The following PDE1C variants were observed in gnomAD, a reference collection of about 807,000 sequenced individuals.
PDE1C encodes phosphodiesterase 1C.
In PDE1C, 62 loss-of-function variants were observed where a neutral mutation model predicts 93.1. That is an observed-to-expected ratio of 0.67 (90% confidence interval 0.54 to 0.82). The LOEUF (loss-of-function observed/expected upper bound fraction) is 0.82. Ranked by LOEUF, PDE1C falls within the 40% of genes least tolerant of loss-of-function variation. The pLI is 0.00. For missense variants in PDE1C, 742 were observed against 884.6 expected (o/e 0.84, Z 2.04); for synonymous variants, 325 against 310.1 (o/e 1.05, Z -0.50).
rs1000112373 is a variant in PDE1C at position 32,163,716 on chromosome 7, T to C, written c.308+6069A>G. On this transcript the variant is annotated intron_variant, in intron 3 of 18. Transcript: ENST00000396193. The stretch of plus-strand genomic sequence containing the variant: ...AAAGCAAAGGAACTGAGATGGGCAA[T>C]GCACTGAGTGGCTTCAGAATTTCCA... Among the ~76,000 whole-genome samples the C allele has an allele frequency of 3.3e-5, 5 of 152,158 alleles. No homozygotes were observed. In the East Asian group the frequency reaches 7.7e-4, roughly 23 times the overall value.
At chr7:31,893,187 G>A (rs1178676395) in intron 2 of PDE1C, among the ~76,000 whole-genome samples, 2 of 152,170 alleles carry the variant, frequency 1.3e-5, no homozygotes, top group Non-Finnish European at 2.9e-5. Context: ...CACAGGTCAC[G>A]GAGACGGTGT....
At chr7:32,335,408 G>T (rs926646653) in intron 1 of PDE1C, among the ~76,000 whole-genome samples, 1 of 152,192 alleles carries the variant, frequency 6.6e-6, no homozygotes, top group East Asian at 1.9e-4. Flanking sequence ...CAATAGCTCT[G>T]CATTGGTTTG....
intron 1 of PDE1C, among the ~76,000 whole-genome samples, chr7:32,403,765 T>C (rs1185645962): frequency 6.6e-6 from 1 of 152,218 alleles, no homozygotes; most frequent in Non-Finnish European, 1.5e-5. Flanking sequence ...GAATTGGCTT[T>C]GTTTTATATT....
intron 3 of PDE1C, among the ~76,000 whole-genome samples, chr7:32,078,855 G>C (rs1413902029): frequency 6.6e-6 from 1 of 151,672 alleles, no homozygotes; most frequent in Non-Finnish European, 1.5e-5. Flanking sequence ...TGAGCCCAGG[G>C]GTCAAGGCTG....
intron 2 of PDE1C, among the ~76,000 whole-genome samples, chr7:31,924,799 G>GA (rs1218777369): frequency 6.6e-6 from 1 of 151,730 alleles, no homozygotes; most frequent in Non-Finnish European, 1.5e-5. Context: ...AAAACTGATG[G>GA]AAAAAAAAGA....
downstream of PDE1C, among the ~76,000 whole-genome samples, chr7:31,748,671 C>G (rs1019860240): frequency 1.3e-5 from 2 of 152,160 alleles, no homozygotes; most frequent in Non-Finnish European, 2.9e-5. Flanking sequence ...CTAGCAAAGG[C>G]CTACTGTCAC....
chr7:31,785,993 T>C (rs2128647167), intron 16 of PDE1C: 1 of 152,354 alleles, frequency 6.6e-6, no homozygotes, highest in Admixed American at 6.5e-5. Context: ...ATTATTACTT[T>C]CCATTTGTTC....
chr7:32,357,329 A>G (rs1784050337), intron 1 of PDE1C, among the ~76,000 whole-genome samples: 1 of 144,796 alleles, frequency 6.9e-6, no homozygotes, highest in Admixed American at 6.7e-5. Context: ...GCGAGATTCC[A>G]TCACACACAA....
At chr7:32,073,125 T>G (rs1796159035), upstream of PDE1C, among the ~76,000 whole-genome samples, 2 of 152,226 alleles carry the variant, frequency 1.3e-5, no homozygotes, top group African/African-American at 4.8e-5. Context: ...TTTCCTACTC[T>G]TAGTGGAATT....
At chr7:32,127,587 C>G (rs1487938971) in intron 3 of PDE1C, among the ~76,000 whole-genome samples, 1 of 151,924 alleles carries the variant, frequency 6.6e-6, no homozygotes, top group African/African-American at 2.4e-5. Context: ...AAGAAAGTAA[C>G]AAATTATATT....
chr7:31,722,827 AAAGTTCT>A, the PDE1C span, among the ~76,000 whole-genome samples: 1 of 152,092 alleles, frequency 6.6e-6, no homozygotes, highest in Non-Finnish European at 1.5e-5. Flanking sequence ...TTAAATTAGG[AAAGTTCT>A]CAGTCTTTAC....
At chr7:31,625,138 G>C in the PDE1C span, among the ~76,000 whole-genome samples, 2 of 152,112 alleles carry the variant, frequency 1.3e-5, no homozygotes, top group Non-Finnish European at 2.9e-5. Flanking sequence ...TGCTGGAGAG[G>C]ATGTGGAGAA....
chr7:31,754,054 A>G (rs1794286466), intron 17 of PDE1C, among the ~76,000 whole-genome samples: 1 of 139,630 alleles, frequency 7.2e-6, no homozygotes, highest in African/African-American at 3.4e-5. Context: ...TTAAAGCTCA[A>G]GAAAAAGAAA....
intron 3 of PDE1C, among the ~76,000 whole-genome samples, chr7:32,117,845 G>A (rs1799068958): frequency 6.6e-6 from 1 of 152,206 alleles, no homozygotes. Context: ...TAATTTAAAG[G>A]TTGGGGGAAG....
At chr7:32,258,511 C>G (rs1229952451) in intron 1 of PDE1C, among the ~76,000 whole-genome samples, 1 of 152,178 alleles carries the variant, frequency 6.6e-6, no homozygotes, top group African/African-American at 2.4e-5. Context: ...TGCTGAGGGA[C>G]AAGGGCAAGG....
At chr7:31,998,422 A>T (rs1018415430) in intron 2 of PDE1C, among the ~76,000 whole-genome samples, 2 of 152,102 alleles carry the variant, frequency 1.3e-5, no homozygotes, top group Admixed American at 1.3e-4. Flanking sequence ...CATATGTATG[A>T]CTCTATGGTA....
At chr7:31,986,840 C>T (rs1050562188) in intron 2 of PDE1C, among the ~76,000 whole-genome samples, 1 of 152,020 alleles carries the variant, frequency 6.6e-6, no homozygotes, top group African/African-American at 2.4e-5. Flanking sequence ...TGATAATTTG[C>T]TGCAACAACA....
chr7:31,722,996 C>G, the PDE1C span, among the ~76,000 whole-genome samples: 1 of 152,114 alleles, frequency 6.6e-6, no homozygotes, highest in African/African-American at 2.4e-5. Flanking sequence ...ATTTCTCCAC[C>G]TGATCTTTTA....
chr7:31,836,264 C>T (rs868072464), intron 11 of PDE1C, among the ~76,000 whole-genome samples: 1 of 152,118 alleles, frequency 6.6e-6, no homozygotes, highest in Non-Finnish European at 1.5e-5. Context: ...CATTTATTTC[C>T]CTATTTCTCT....
Sources: allele counts gnomAD v4.1 joint callset (sites outside exome capture counted in the v4.1 genomes callset), GRCh38; gene constraint gnomAD v4.1.1; transcripts MANE v1.5; gene names NCBI Gene and HGNC (gene_info 2026-07-23, HGNC 2026-07-21).